PDE4D: variants seen among roughly 807,000 people sequenced by gnomAD.
PDE4D encodes phosphodiesterase 4D.
Under a neutral mutation model 87.4 loss-of-function variants are expected in PDE4D, and 24 were observed. That is an observed-to-expected ratio of 0.27 (90% CI 0.20 to 0.39). The LOEUF (loss-of-function observed/expected upper bound fraction) is 0.39. Among genes scored for constraint, PDE4D ranks in the 10% least tolerant of loss-of-function variants. PDE4D has a pLI of 1.00. For synonymous variants in PDE4D, 384 were observed against 383.2 expected (o/e 1.00, Z -0.02); for missense variants, 714 against 1,041.0 (o/e 0.69, Z 4.32).
At chr5:59,650,631 T>C (rs916211074) in intron 1 of PDE4D, among the ~76,000 whole-genome samples, 2 of 152,194 alleles carry the variant, frequency 1.3e-5, no homozygotes, top group Non-Finnish European at 2.9e-5. Context: ...TTAAAAAAAA[T>C]AAGTAAACAT....
intron 1 of PDE4D, among the ~76,000 whole-genome samples, chr5:59,663,932 C>G (rs1745657141): frequency 6.6e-6 from 1 of 152,150 alleles, no homozygotes; most frequent in Non-Finnish European, 1.5e-5. Context: ...GGAAATGCCT[C>G]CTTTTTCAAC....
intron 1 of PDE4D, among the ~76,000 whole-genome samples, chr5:59,519,773 G>T (rs1811864650): frequency 6.6e-6 from 1 of 152,216 alleles, no homozygotes; most frequent in African/African-American, 2.4e-5. Flanking sequence ...ATGGGCAAAA[G>T]CACCAGTCGG....
intron 5 of PDE4D, among the ~76,000 whole-genome samples, chr5:59,080,516 T>C (rs1766546523): frequency 6.6e-6 from 1 of 152,208 alleles, no homozygotes; most frequent in African/African-American, 2.4e-5. Flanking sequence ...AGTATCTCTC[T>C]ACCTACCAAC....
intron 1 of PDE4D, among the ~76,000 whole-genome samples, chr5:59,362,552 T>C (rs1415802985): frequency 6.6e-6 from 1 of 152,164 alleles, no homozygotes; most frequent in Non-Finnish European, 1.5e-5. Flanking sequence ...AATTAGGTGA[T>C]AGAATTTCTC....
chr5:60,210,998 G>A (rs529963850), intron 1 of PDE4D, among the ~76,000 whole-genome samples: 95 of 152,314 alleles, frequency 6.2e-4, no homozygotes, highest in Middle Eastern at 3.4e-3. Context: ...GCCTGGCGCT[G>A]AGCCTGCATG....
intron 1 of PDE4D, among the ~76,000 whole-genome samples, chr5:59,647,612 C>T (rs1488885362): frequency 6.6e-6 from 1 of 151,992 alleles, no homozygotes; most frequent in Admixed American, 6.6e-5. Context: ...CAGGAGATAA[C>T]TGCAGATAAG....
intron 1 of PDE4D, among the ~76,000 whole-genome samples, chr5:59,572,404 ACTTT>A (rs1326860038): frequency 3.9e-5 from 6 of 152,132 alleles, no homozygotes; most frequent in East Asian, 1.9e-4. Context: ...ATTTTATTAT[ACTTT>A]CTTTAATAGT....
chr5:59,077,709 T>G (rs1048692909), intron 5 of PDE4D, among the ~76,000 whole-genome samples: 2 of 152,116 alleles, frequency 1.3e-5, no homozygotes, highest in Non-Finnish European at 2.9e-5. Context: ...AGGACTACCA[T>G]GCATATCAGT....
At chr5:59,468,867 T>C (rs548846764) in intron 1 of PDE4D, among the ~76,000 whole-genome samples, 1 of 152,262 alleles carries the variant, frequency 6.6e-6, no homozygotes, top group East Asian at 1.9e-4. Flanking sequence ...TAGAGCATCA[T>C]GAAGAGTGCA....
intron 1 of PDE4D, among the ~76,000 whole-genome samples, chr5:59,649,931 T>TTTTTTTTTTTTTTTTTTTTTG (rs1474090994): frequency 2.1e-5 from 3 of 141,348 alleles, no homozygotes; most frequent in Admixed American, 1.5e-4. Flanking sequence ...TTTTTTTTTT[T>TTTTTTTTTTTTTTTTTTTTTG]TAGCAATGAC....
chr5:60,495,389 G>C (rs917316313), intron 1 of PDE4D, among the ~76,000 whole-genome samples: 3 of 152,072 alleles, frequency 2.0e-5, no homozygotes, highest in Non-Finnish European at 4.4e-5. Context: ...TAGATCCCTG[G>C]CTCCCACTAC....
At chr5:59,520,625 A>C (rs1345025732) in intron 1 of PDE4D, among the ~76,000 whole-genome samples, 1 of 152,176 alleles carries the variant, frequency 6.6e-6, no homozygotes, top group South Asian at 2.1e-4. Context: ...AGAACGATTT[A>C]AGATGATAGG....
At chr5:60,384,041 T>C (rs1444265784) in intron 1 of PDE4D, among the ~76,000 whole-genome samples, 1 of 152,190 alleles carries the variant, frequency 6.6e-6, no homozygotes, top group Non-Finnish European at 1.5e-5. Flanking sequence ...AATAGAATTG[T>C]TATTCAAAAT....
intron 2 of PDE4D, among the ~76,000 whole-genome samples, chr5:60,172,195 G>A (rs2149483836): frequency 6.8e-6 from 1 of 147,892 alleles, no homozygotes. Flanking sequence ...TTTGATCACA[G>A]AATATTGCAT....
At chr5:59,807,767 G>T (rs571804942) in intron 1 of PDE4D, among the ~76,000 whole-genome samples, 1 of 152,210 alleles carries the variant, frequency 6.6e-6, no homozygotes, top group Non-Finnish European at 1.5e-5. Flanking sequence ...CAAGGAAGTA[G>T]GCCAGAGCTT....
intron 1 of PDE4D, among the ~76,000 whole-genome samples, chr5:59,325,657 C>G (rs1397928126): frequency 6.6e-6 from 1 of 152,106 alleles, no homozygotes; most frequent in Non-Finnish European, 1.5e-5. Flanking sequence ...CTTATAGTTA[C>G]TTGTAAAATG....
In PDE4D at chr5:58,975,317, A is replaced by C. The variant is rs1239221684; in HGVS notation, c.2014-237T>G. Among the ~76,000 whole-genome samples, 3 of 152,136 alleles carry C rather than the reference A, an allele frequency of 2.0e-5. No homozygotes were observed. The East Asian group carries it at 5.8e-4, about 29-fold the overall frequency. On this transcript the variant is annotated intron_variant, in intron 14 of 14. Coordinates refer to ENST00000340635, the MANE Select transcript of PDE4D (RefSeq NM_001104631.2). The surrounding 1 kb of genome is among the most constrained non-coding windows in gnomAD (Gnocchi z 4.2). ...AAAGAGCATGTTCTATAGCATAAAA[A>C]ATTTTCCAGTTGTTGACATGGTAGG...
chr5:60,452,987 A>G (rs1393472227), intron 1 of PDE4D, among the ~76,000 whole-genome samples: 1 of 152,072 alleles, frequency 6.6e-6, no homozygotes, highest in African/African-American at 2.4e-5. Flanking sequence ...ACCTTACATC[A>G]TTGTACATGT....
intron 1 of PDE4D, among the ~76,000 whole-genome samples, chr5:59,576,957 A>G (rs886064260): frequency 1.7e-4 from 26 of 152,084 alleles, no homozygotes; most frequent in Non-Finnish European, 2.6e-4. Context: ...GGTTTTCTCA[A>G]TTTGCCCACT....
Sources: allele counts gnomAD v4.1 joint callset (sites outside exome capture counted in the v4.1 genomes callset), GRCh38; gene constraint gnomAD v4.1.1; non-coding constraint Gnocchi (gnomAD v3.1); transcripts MANE v1.5; gene names NCBI Gene and HGNC (gene_info 2026-07-23, HGNC 2026-07-21).